The following GRIP1 variants were observed in gnomAD, a reference collection of about 807,000 sequenced individuals.
GRIP1 encodes the protein glutamate receptor-interacting protein 1.
In GRIP1, 45 loss-of-function variants were observed where a neutral mutation model predicts 129.9. The observed-to-expected ratio is 0.35, with a 90% CI of 0.27 to 0.44. The LOEUF is 0.44. GRIP1 is among the 20% of genes least tolerant of loss of function. GRIP1 has a pLI of 1.00. For synonymous variants in GRIP1, 530 were observed against 520.8 expected, an observed-to-expected ratio of 1.02 and a Z score of -0.24; for missense variants, 1,196 against 1,396.8, an observed-to-expected ratio of 0.86 and a Z score of 2.29.
At chr12:66,965,549 T>TTGTGTGTG (rs368637185) in intron 1 of GRIP1, among the ~76,000 whole-genome samples, 5,247 of 128,164 alleles carry the variant, frequency 0.041, 189 homozygotes, top group East Asian at 0.11. Flanking sequence ...AAAAGAAACA[T>TTGTGTGTG]TGTGTGTGTG....
At chr12:66,550,949 G>C (rs563173347) in intron 2 of GRIP1, among the ~76,000 whole-genome samples, 120 of 152,246 alleles carry the variant, frequency 7.9e-4, no homozygotes, top group Non-Finnish European at 1.5e-3. Context: ...AAGAGCCTCA[G>C]GCAGTTTTCC....
chr12:66,514,022 C>T (rs775523028), intron 7 of GRIP1, among the ~76,000 whole-genome samples: 2 of 152,146 alleles, frequency 1.3e-5, no homozygotes, highest in Non-Finnish European at 1.5e-5. Flanking sequence ...ACTGACTGCT[C>T]TATTTAAATC....
intron 1 of GRIP1, among the ~76,000 whole-genome samples, chr12:66,974,348 C>A (rs572976323): frequency 6.6e-6 from 1 of 152,212 alleles, no homozygotes; most frequent in South Asian, 2.1e-4. Context: ...GTACTTATAC[C>A]CATCCAACAT....
chr12:67,045,693 A>G (rs116891861), intron 1 of GRIP1, among the ~76,000 whole-genome samples: 1,657 of 152,268 alleles, frequency 0.011, 19 homozygotes, highest in Middle Eastern at 0.031. Flanking sequence ...CCTTAAGAAA[A>G]AGACTGAATA....
intron 1 of GRIP1, among the ~76,000 whole-genome samples, chr12:66,956,224 T>C (rs1169507832): frequency 6.6e-6 from 1 of 152,242 alleles, no homozygotes; most frequent in Non-Finnish European, 1.5e-5. Flanking sequence ...TTCTGGTCTT[T>C]CCTTTTTTGT....
At chr12:67,066,022 ATG>A (rs1243307294) in intron 1 of GRIP1, among the ~76,000 whole-genome samples, 1 of 152,174 alleles carries the variant, frequency 6.6e-6, no homozygotes, top group Non-Finnish European at 1.5e-5. Context: ...GGATGGAGAA[ATG>A]TGTTCTGAAT....
intron 1 of GRIP1, among the ~76,000 whole-genome samples, chr12:66,996,503 CCAGAGAATCACCT>C (rs1400629044): frequency 6.6e-6 from 1 of 152,096 alleles, no homozygotes; most frequent in Non-Finnish European, 1.5e-5. Flanking sequence ...AAGAGCAGTG[CCAGAGAATCACCT>C]CTTCTACATC....
intron 1 of GRIP1, among the ~76,000 whole-genome samples, chr12:66,736,046 G>A (rs2036585459): frequency 6.6e-6 from 1 of 152,152 alleles, no homozygotes; most frequent in African/African-American, 2.4e-5. Context: ...ACAATGCTGA[G>A]GGGTTGGGGA....
Position 66,893,519 on chromosome 12 carries a change from T to C in GRIP1, c.58+175531A>G, listed in dbSNP as rs1447493656. On this transcript the variant is annotated intron_variant, in intron 1 of 1. Transcript: ENST00000643019. ...TCCCAAAGTGCTGGGAATACAGGTG[T>C]GAGCCACTGCACAAGGCTGTTTTTA... Among the ~76,000 whole-genome samples, 7 of 152,296 alleles carry C rather than the reference T, an allele frequency of 4.6e-5. No homozygotes were observed. The East Asian group carries it at 1.4e-3, about 29-fold the overall frequency.
intron 1 of GRIP1, among the ~76,000 whole-genome samples, chr12:66,642,888 T>G (rs2032054202): frequency 6.6e-6 from 1 of 152,160 alleles, no homozygotes; most frequent in African/African-American, 2.4e-5. Flanking sequence ...TAAGTATATA[T>G]GAGAACTCAG....
At chr12:66,744,159 G>A (rs1282785482) in intron 1 of GRIP1, among the ~76,000 whole-genome samples, 1 of 152,018 alleles carries the variant, frequency 6.6e-6, no homozygotes, top group Non-Finnish European at 1.5e-5. Context: ...ACAAGCAAAT[G>A]AGTACATACA....
chr12:66,423,200 T>C (rs956957089), intron 14 of GRIP1, among the ~76,000 whole-genome samples: 4 of 152,224 alleles, frequency 2.6e-5, no homozygotes, highest in Non-Finnish European at 4.4e-5. Context: ...ATTAGCTATA[T>C]GTGCTTGAGC....
intron 1 of GRIP1, among the ~76,000 whole-genome samples, chr12:66,646,732 G>A (rs778394606): frequency 5.9e-5 from 9 of 152,136 alleles, no homozygotes; most frequent in Non-Finnish European, 1.3e-4. Context: ...CCCCATTGAT[G>A]GGATAAGGAA....
At chr12:66,714,890 T>C (rs1206216976) in intron 1 of GRIP1, among the ~76,000 whole-genome samples, 4 of 28,578 alleles carry the variant, frequency 1.4e-4, no homozygotes, top group Admixed American at 3.9e-4. Flanking sequence ...AATCCACCCA[T>C]CCATCCATCC....
intron 8 of GRIP1, among the ~76,000 whole-genome samples, chr12:66,464,039 C>T (rs1297195231): frequency 6.6e-6 from 1 of 152,038 alleles, no homozygotes; most frequent in Non-Finnish European, 1.5e-5. Context: ...GTTCACTGCA[C>T]CATGGCTGGA....
At chr12:66,538,791 T>G (rs1247503275) in intron 4 of GRIP1, among the ~76,000 whole-genome samples, 1 of 150,252 alleles carries the variant, frequency 6.7e-6, no homozygotes, top group African/African-American at 2.5e-5. Context: ...TTTGTAGAGG[T>G]GGGGCTTTGC....
chr12:66,877,254 GC>G (rs1243478095), intron 1 of GRIP1, among the ~76,000 whole-genome samples: 4 of 151,976 alleles, frequency 2.6e-5, no homozygotes, highest in Non-Finnish European at 4.4e-5. Context: ...AAGAAGTCAT[GC>G]TTTAAGCATT....
chr12:66,617,426 T>C (rs1265101363), intron 1 of GRIP1, among the ~76,000 whole-genome samples: 2 of 152,122 alleles, frequency 1.3e-5, no homozygotes, highest in African/African-American at 4.8e-5. Context: ...AAGCTAATGA[T>C]ATCAGCGAAC....
At chr12:66,595,702 AAT>A (rs1446247828) in intron 2 of GRIP1, among the ~76,000 whole-genome samples, 1 of 152,222 alleles carries the variant, frequency 6.6e-6, no homozygotes, top group African/African-American at 2.4e-5. Flanking sequence ...GATGCCATCT[AAT>A]TGTAGAATTC....
Sources: gnomAD v4.1 joint callset for allele counts (sites outside exome capture counted in the v4.1 genomes callset) on GRCh38, gnomAD v4.1.1 for gene constraint, MANE v1.5 for transcripts, NCBI Gene and HGNC (gene_info 2026-07-23, HGNC 2026-07-21) for gene names.